STXBP5: variants seen among roughly 807,000 people sequenced by gnomAD.
STXBP5 encodes the protein syntaxin binding protein 5.
Under a neutral mutation model 152.4 loss-of-function variants are expected in STXBP5, and 50 were observed. That is an observed-to-expected ratio of 0.33 (90% confidence interval 0.26 to 0.42). STXBP5 has a LOEUF of 0.42. Ranked by LOEUF, STXBP5 falls within the 10% of genes least tolerant of loss-of-function variation. The pLI, the probability that STXBP5 is intolerant of heterozygous loss-of-function variation, is 1.00. For missense variants in STXBP5, 1,167 were observed against 1,388.6 expected, an observed-to-expected ratio of 0.84 and a Z score of 2.54; for synonymous variants, 492 against 494.7, an observed-to-expected ratio of 0.99 and a Z score of 0.07.
chr6:147,351,531 A>G (rs1018218124), intron 21 of STXBP5, among the ~76,000 whole-genome samples: 4 of 152,170 alleles, frequency 2.6e-5, no homozygotes, highest in African/African-American at 9.7e-5. Flanking sequence ...TAGAGATACA[A>G]TATTTTCTAA....
chr6:147,311,928 G>T (rs924652858), intron 11 of STXBP5, among the ~76,000 whole-genome samples: 10 of 152,114 alleles, frequency 6.6e-5, no homozygotes, highest in Non-Finnish European at 1.3e-4. Context: ...TTTACACACA[G>T]TTCCAATCTT....
At chr6:147,350,583 C>T (rs1172121799) in intron 21 of STXBP5, among the ~76,000 whole-genome samples, 1 of 151,980 alleles carries the variant, frequency 6.6e-6, no homozygotes, top group Admixed American at 6.6e-5. Context: ...AAAGGTTGAG[C>T]TTATTATAGT....
At chr6:147,266,194 G>A (rs945377021) in intron 6 of STXBP5, among the ~76,000 whole-genome samples, 2 of 152,026 alleles carry the variant, frequency 1.3e-5, no homozygotes, top group Non-Finnish European at 1.5e-5. Context: ...GGTAAACAGA[G>A]CTCATACCAT....
At chr6:147,281,820 T>TA (rs1464961345) in intron 8 of STXBP5, among the ~76,000 whole-genome samples, 5 of 152,324 alleles carry the variant, frequency 3.3e-5, no homozygotes, top group Middle Eastern at 6.8e-3. Context: ...TGCATTTATA[T>TA]AACATGGGAT....
At chr6:147,369,768 A>G (rs1034393310) in intron 25 of STXBP5, among the ~76,000 whole-genome samples, 11 of 152,078 alleles carry the variant, frequency 7.2e-5, no homozygotes, top group South Asian at 2.1e-4. Flanking sequence ...TTGAAATTAA[A>G]AAGAATACCA....
intron 5 of STXBP5, among the ~76,000 whole-genome samples, chr6:147,261,213 TTTTG>T (rs1411153035): frequency 1.1e-4 from 16 of 152,040 alleles, no homozygotes; most frequent in Non-Finnish European, 2.4e-4. Flanking sequence ...ATCAAATTAA[TTTTG>T]TTTGATTTTA....
chr6:147,363,947 G>T, intron 24 of STXBP5, 54 bp from the exon 25 acceptor site: 1 of 1,564,804 alleles, frequency 6.4e-7, no homozygotes, highest in Non-Finnish European at 8.7e-7. Flanking sequence ...ATGATAGTGT[G>T]TTCAAGACTA....
At chr6:147,371,305 A>G (rs952633124) in intron 25 of STXBP5, among the ~76,000 whole-genome samples, 10 of 152,104 alleles carry the variant, frequency 6.6e-5, no homozygotes, top group Non-Finnish European at 1.2e-4. Flanking sequence ...CAAAACCTTT[A>G]TATTAAGACT....
chr6:147,267,805 T>G (rs1779967790), intron 7 of STXBP5, among the ~76,000 whole-genome samples: 1 of 152,260 alleles, frequency 6.6e-6, no homozygotes, highest in South Asian at 2.1e-4. Context: ...CTGATACTCA[T>G]TTAGCTGGTG....
At chr6:147,279,299 T>A (rs929196335) in intron 8 of STXBP5, among the ~76,000 whole-genome samples, 1 of 152,186 alleles carries the variant, frequency 6.6e-6, no homozygotes, top group Non-Finnish European at 1.5e-5. Flanking sequence ...TTCTCCACCC[T>A]CACCCTACGA....
chr6:147,312,852 C>G (rs1782454868), intron 11 of STXBP5, among the ~76,000 whole-genome samples: 1 of 152,024 alleles, frequency 6.6e-6, no homozygotes, highest in Admixed American at 6.6e-5. Context: ...TTCCCTTAGG[C>G]AAGTTTTTCA....
At chr6:147,270,868 G>A (rs1458757454) in intron 7 of STXBP5, among the ~76,000 whole-genome samples, 2 of 152,086 alleles carry the variant, frequency 1.3e-5, no homozygotes, top group East Asian at 3.8e-4. Flanking sequence ...GAAGACAGAG[G>A]ACCATTAATA....
Position 147,311,504 on chromosome 6 carries a change from A to G in STXBP5, c.1122A>G (p.Val374=). 1 of 1,611,930 alleles carries G rather than the reference A, an allele frequency of 6.2e-7. No homozygotes were observed. Among genetic ancestry groups the G allele is most frequent in the East Asian group, 2.2e-5 (1 of 44,726 alleles). Reference sequence around the variant, plus strand: ...TTGTTCTTCTAGAAAAGGATTTAGTACTTATAGACCTTGCACAAAATGGGT... The same window carrying G: ...TTGTTCTTCTAGAAAAGGATTTAGTGCTTATAGACCTTGCACAAAATGGGT... ...AVVVLLEKDL[V]LIDLAQNGYP... is the part of the protein sequence containing the mutation. The change falls in exon 11 of 28, where the codon GTA becomes GTG. Residue 374 remains valine (V), a synonymous_variant. Transcript: ENST00000321680.
rs1409663838 is a variant in STXBP5 at position 147,388,634 on chromosome 6, C to G, written c.*3879C>G. 2 of 151,110 alleles carry G rather than the reference C, an allele frequency of 1.3e-5. No individual in the cohort carries two copies. Among genetic ancestry groups the G allele is most frequent in the African/African-American group, 4.8e-5 (2 of 41,308 alleles). 9.4% of individuals were successfully genotyped at this position (151,110 alleles called of 1,614,324 possible). ...AAAAAATCATACATCATTTAAAAAT[C>G]TTCACACATGAACAGGAAAGATATC... On this transcript the variant is annotated 3_prime_UTR_variant, in exon 28 of 28. Coordinates refer to ENST00000321680, the MANE Select transcript of STXBP5 (RefSeq NM_001127715.4).
intron 3 of STXBP5, among the ~76,000 whole-genome samples, chr6:147,236,504 A>G (rs1446854899): frequency 6.6e-6 from 1 of 152,176 alleles, no homozygotes; most frequent in Non-Finnish European, 1.5e-5. Context: ...CAATAGTATG[A>G]TAGCAAACCA....
chr6:147,366,622 T>A (rs553546913), intron 25 of STXBP5, among the ~76,000 whole-genome samples: 44 of 152,334 alleles, frequency 2.9e-4, no homozygotes, highest in African/African-American at 7.2e-4. Context: ...GTGTCAAATC[T>A]ACCTCTCTTT....
At chr6:147,368,764 A>G (rs1243279321) in intron 25 of STXBP5, among the ~76,000 whole-genome samples, 1 of 152,120 alleles carries the variant, frequency 6.6e-6, no homozygotes, top group Non-Finnish European at 1.5e-5. Flanking sequence ...AGATTATGAG[A>G]TAAATATACA....
chr6:147,346,806 C>T (rs1582977066), intron 21 of STXBP5, among the ~76,000 whole-genome samples: 1 of 152,092 alleles, frequency 6.6e-6, no homozygotes, highest in Non-Finnish European at 1.5e-5. Flanking sequence ...TAGCCACCCA[C>T]TAAAAACAAC....
chr6:147,295,396 G>A (rs1345957206), intron 9 of STXBP5, among the ~76,000 whole-genome samples: 2 of 152,132 alleles, frequency 1.3e-5, no homozygotes, highest in Non-Finnish European at 2.9e-5. Context: ...AGCGAATATT[G>A]GGTCCTTGAG....
Sources: gnomAD v4.1 joint callset for allele counts (sites outside exome capture counted in the v4.1 genomes callset) on GRCh38, gnomAD v4.1.1 for gene constraint, MANE v1.5 for transcripts, NCBI Gene and HGNC (gene_info 2026-07-23, HGNC 2026-07-21) for gene names.